Variants in FKBP5 observed in about 807,000 individuals in gnomAD.
FKBP5 encodes the protein FKBP prolyl isomerase 5.
FKBP5 carries 23 observed loss-of-function variants against 50.5 expected under a neutral mutation model. The ratio of observed to expected loss-of-function variants is 0.46; its 90% CI spans 0.33 to 0.65. The LOEUF (loss-of-function observed/expected upper bound fraction) is 0.65, where lower values mean the gene tolerates loss of function less well. Among genes scored for constraint, FKBP5 ranks in the 30% least tolerant of loss-of-function variants. FKBP5 has a pLI of 0.02. For missense variants in FKBP5, 411 were observed against 553.1 expected (o/e 0.74, Z 2.58); for synonymous variants, 176 against 190.6 (o/e 0.92, Z 0.63).
At chr6:35,651,956 G>A in intron 1 of FKBP5, 1 of 760,272 alleles carries the variant, frequency 1.3e-6, no homozygotes, top group Non-Finnish European at 1.7e-6. Context: ...AGGAAGTCAG[G>A]GACCCCAAAC....
chr6:35,724,287 G>A (rs766926586), intron 1 of FKBP5, among the ~76,000 whole-genome samples: 16 of 152,168 alleles, frequency 1.1e-4, no homozygotes, highest in Non-Finnish European at 2.4e-4. Flanking sequence ...AGGGTGAGGG[G>A]CAGCAGGCAT....
At chr6:35,719,534 G>A (rs371897116) in intron 2 of FKBP5, among the ~76,000 whole-genome samples, 13 of 152,152 alleles carry the variant, frequency 8.5e-5, no homozygotes, top group South Asian at 4.1e-4. Flanking sequence ...AAAAATACAC[G>A]GAACGGACAT....
chr6:35,588,268 C>A (rs1357879112), intron 7 of FKBP5, among the ~76,000 whole-genome samples: 1 of 151,994 alleles, frequency 6.6e-6, no homozygotes, highest in Admixed American at 6.6e-5. Flanking sequence ...CTCAGGTGAT[C>A]CACCCACCTC....
At chr6:35,625,728 T>TC (rs1289846065) in intron 3 of FKBP5, among the ~76,000 whole-genome samples, 15 of 147,618 alleles carry the variant, frequency 1.0e-4, no homozygotes, top group Admixed American at 1.4e-4. Flanking sequence ...AGAGCAAGAC[T>TC]CCGTCTCAAA....
intron 9 of FKBP5, among the ~76,000 whole-genome samples, chr6:35,579,801 TTTC>T (rs1158631150): frequency 7.9e-5 from 12 of 152,210 alleles, no homozygotes; most frequent in Admixed American, 2.6e-4. Context: ...AATCAAAACT[TTTC>T]TTCAGAATGC....
At chr6:35,667,967 A>G (rs1418801127) in intron 1 of FKBP5, among the ~76,000 whole-genome samples, 1 of 152,266 alleles carries the variant, frequency 6.6e-6, no homozygotes, top group African/African-American at 2.4e-5. Context: ...TCTTTCGAAA[A>G]GAAAAAAAGT....
At chr6:35,707,767 T>C (rs1004327798) in intron 2 of FKBP5, among the ~76,000 whole-genome samples, 4 of 152,172 alleles carry the variant, frequency 2.6e-5, no homozygotes, top group African/African-American at 9.7e-5. Context: ...CCATGTGTTC[T>C]CATCATTTAG....
chr6:35,676,802 A>G (rs1765532503), intron 1 of FKBP5, among the ~76,000 whole-genome samples: 1 of 152,242 alleles, frequency 6.6e-6, no homozygotes. Context: ...GGCAGAAATA[A>G]GAAAGAAATC....
At chr6:35,682,217 T>A (rs567597618) in intron 1 of FKBP5, among the ~76,000 whole-genome samples, 1 of 152,248 alleles carries the variant, frequency 6.6e-6, no homozygotes, top group South Asian at 2.1e-4. Flanking sequence ...GTTTTTATTG[T>A]CTTGCTTTTT....
At chr6:35,581,222 C>A (rs568486943) in intron 8 of FKBP5, 1 of 963,076 alleles carries the variant, frequency 1.0e-6, no homozygotes, top group South Asian at 4.8e-5. Flanking sequence ...AAACAATATA[C>A]ATCAGAAAGG....
chr6:35,581,917 C>T (rs1762444562), intron 8 of FKBP5: 1 of 985,564 alleles, frequency 1.0e-6, no homozygotes. Context: ...CCCACAAATA[C>T]TCCAACCCTC....
intron 1 of FKBP5, among the ~76,000 whole-genome samples, chr6:35,678,548 C>A (rs1338715736): frequency 6.6e-6 from 1 of 152,126 alleles, no homozygotes; most frequent in Non-Finnish European, 1.5e-5. Context: ...CTAATTTATT[C>A]TAATGAAAAG....
chr6:35,726,751 A>G (rs1224513431), intron 1 of FKBP5, among the ~76,000 whole-genome samples: 2 of 152,136 alleles, frequency 1.3e-5, no homozygotes, highest in African/African-American at 2.4e-5. Flanking sequence ...CAATTGCCCA[A>G]GGGGAGGATA....
intron 2 of FKBP5, among the ~76,000 whole-genome samples, chr6:35,641,208 C>T (rs1264838372): frequency 6.6e-6 from 1 of 152,086 alleles, no homozygotes; most frequent in East Asian, 1.9e-4. Flanking sequence ...GTCTTGAACT[C>T]CTGGCCTCAA....
At chr6:35,606,854 A>G (rs1763336569) in intron 5 of FKBP5, among the ~76,000 whole-genome samples, 1 of 152,164 alleles carries the variant, frequency 6.6e-6, no homozygotes, top group South Asian at 2.1e-4. Context: ...CAATCCCATT[A>G]CTGGGTATAC....
chr6:35,584,206 T>C, intron 8 of FKBP5: 1 of 984,868 alleles, frequency 1.0e-6, no homozygotes, highest in Non-Finnish European at 1.2e-6. Flanking sequence ...ACTTAATAAT[T>C]ATTTTCAGAG....
intron 8 of FKBP5, chr6:35,585,319 A>G (rs1256861057): frequency 4.1e-6 from 4 of 980,334 alleles, no homozygotes; most frequent in Non-Finnish European, 4.8e-6. Context: ...TGGATATACA[A>G]ATAACCCACT....
chr6:35,659,814 CA>C lies in FKBP5; in HGVS notation c.-19-16972del, dbSNP rs1400025091. Among the ~76,000 whole-genome samples, 69 of 84,854 alleles carry C rather than the reference CA, an allele frequency of 8.1e-4. 20 individuals carry two copies. The highest frequency in any genetic ancestry group is 2.3e-3 in the African/African-American group (63 of 27,560). The allele number at this position is 84,854 out of a possible 152,430, so 55.7% of individuals were successfully genotyped here. A position where few individuals can be genotyped will look rare whatever the true frequency, so the allele number is the denominator to read the frequency against. ...AGAGTTTTATCAATTTCATTGTTCTCAAAGAACCAGCTTTTGATTTCACTGA... is the reference window on the plus strand; with the variant it reads ...AGAGTTTTATCAATTTCATTGTTCTCAAGAACCAGCTTTTGATTTCACTGA... On this transcript the variant is annotated intron_variant, in intron 1 of 10. Transcript: ENST00000357266.
At chr6:35,608,170 CCT>C (rs1763385062) in intron 5 of FKBP5, among the ~76,000 whole-genome samples, 1 of 151,850 alleles carries the variant, frequency 6.6e-6, no homozygotes, top group African/African-American at 2.4e-5. Flanking sequence ...GGAGCTAAAC[CCT>C]GAGTATACAC....
Sources: gnomAD v4.1 joint callset for allele counts (sites outside exome capture counted in the v4.1 genomes callset) on GRCh38, gnomAD v4.1.1 for gene constraint, MANE v1.5 for transcripts, NCBI Gene and HGNC (gene_info 2026-07-23, HGNC 2026-07-21) for gene names.